Variants in DACH2 observed in about 807,000 individuals in gnomAD.
The protein encoded by DACH2 is dachshund family transcription factor 2.
DACH2 carries 17 observed loss-of-function variants against 35.8 expected under a neutral mutation model. That is an observed-to-expected ratio of 0.48 (90% CI 0.33 to 0.71). The LOEUF is 0.71. Ranked by LOEUF, DACH2 falls within the 30% of genes least tolerant of loss-of-function variation. The pLI is 0.02. For missense variants in DACH2, 469 were observed against 472.7 expected (o/e 0.99, Z 0.07); for synonymous variants, 195 against 177.3 (o/e 1.10, Z -0.79).
chrX:86,435,696 A>G (rs1033408126), intron 2 of DACH2, among the ~76,000 whole-genome samples: 1 of 111,882 alleles, frequency 8.9e-6, no homozygotes, highest in African/African-American at 3.2e-5. Flanking sequence ...AAAGCCTACC[A>G]TCTTGTAGCA....
intron 1 of DACH2, among the ~76,000 whole-genome samples, chrX:86,184,601 C>G (rs755390472): frequency 8.9e-6 from 1 of 111,808 alleles, no homozygotes; most frequent in Non-Finnish European, 1.9e-5. Context: ...GTCATTTGTA[C>G]ATGGTGATAG....
chrX:86,631,792 T>A (rs2040203752), intron 3 of DACH2, among the ~76,000 whole-genome samples: 1 of 111,352 alleles, frequency 9.0e-6, no homozygotes, highest in Non-Finnish European at 1.9e-5. Flanking sequence ...TTACCAAACT[T>A]TTTTGGTTCT....
At chrX:86,184,212 A>ATT (rs34655546) in intron 1 of DACH2, 2,540 of 159,671 alleles carry the variant, frequency 0.016, 29 homozygotes, top group Middle Eastern at 0.019. Flanking sequence ...TAGTCTTCTG[A>ATT]TTTTTTTTTT....
intron 2 of DACH2, among the ~76,000 whole-genome samples, chrX:86,468,401 T>A (rs2037708329): frequency 9.0e-6 from 1 of 111,257 alleles, no homozygotes; most frequent in Admixed American, 9.6e-5. Flanking sequence ...ATTTTACTCA[T>A]CTTATTTATT....
intron 3 of DACH2, among the ~76,000 whole-genome samples, chrX:86,520,227 A>G (rs763392490): frequency 2.6e-4 from 29 of 111,584 alleles, no homozygotes; most frequent in Non-Finnish European, 7.6e-5. Flanking sequence ...AATCATTTTC[A>G]TCGTCTTCAC....
chrX:86,736,351 G>C (rs183281546), intron 6 of DACH2, among the ~76,000 whole-genome samples: 25 of 111,189 alleles, frequency 2.2e-4, no homozygotes, highest in African/African-American at 7.5e-4. Context: ...AAATGTTACT[G>C]TCACTCTTAA....
intron 2 of DACH2, among the ~76,000 whole-genome samples, chrX:86,482,624 A>C (rs1208712108): frequency 9.3e-6 from 1 of 108,018 alleles, no homozygotes; most frequent in African/African-American, 3.4e-5. Flanking sequence ...TGATTTCCAC[A>C]ATGGTTGAAC....
intron 1 of DACH2, among the ~76,000 whole-genome samples, chrX:86,303,359 C>T (rs1032186337): frequency 9.1e-6 from 1 of 110,033 alleles, no homozygotes; most frequent in African/African-American, 3.3e-5. Flanking sequence ...GACCACAGAG[C>T]TTTCCGTTTC....
intron 3 of DACH2, among the ~76,000 whole-genome samples, chrX:86,593,339 C>A (rs1185754606): frequency 9.1e-6 from 1 of 109,386 alleles, no homozygotes; most frequent in Non-Finnish European, 1.9e-5. Flanking sequence ...GTTAATCCAA[C>A]CTTGCACACT....
At chrX:86,799,167 G>A (rs768059040) in intron 7 of DACH2, 95 of 285,528 alleles carry the variant, frequency 3.3e-4, no homozygotes, top group Admixed American at 5.6e-4. Context: ...CTTGGTTCTC[G>A]CACTGATCCA....
intron 3 of DACH2, among the ~76,000 whole-genome samples, chrX:86,529,533 C>T (rs2038682620): frequency 9.4e-6 from 1 of 106,816 alleles, no homozygotes; most frequent in Non-Finnish European, 1.9e-5. Flanking sequence ...AGTGCAGTGG[C>T]ACAATCTTGG....
chrX:86,391,870 T>A (rs1486427201), intron 2 of DACH2, among the ~76,000 whole-genome samples: 1 of 111,610 alleles, frequency 9.0e-6, no homozygotes, highest in Non-Finnish European at 1.9e-5. Context: ...AAATAAGTTG[T>A]TTAATTCTGA....
At chrX:86,719,015 A>G (rs68129488) in intron 6 of DACH2, among the ~76,000 whole-genome samples, 31,047 of 110,971 alleles carry the variant, frequency 0.28, 3,280 homozygotes, top group East Asian at 0.48. Flanking sequence ...TTCTGTGAAA[A>G]ATGAATTTTT....
intron 1 of DACH2, among the ~76,000 whole-genome samples, chrX:86,236,559 T>C (rs901457172): frequency 8.9e-6 from 1 of 112,440 alleles, no homozygotes; most frequent in Non-Finnish European, 1.9e-5. Flanking sequence ...ACCTAGGCTA[T>C]ATTTTACAGC....
At chrX:86,744,204 C>T (rs1449015531) in intron 7 of DACH2, among the ~76,000 whole-genome samples, 1 of 111,097 alleles carries the variant, frequency 9.0e-6, no homozygotes, top group Non-Finnish European at 1.9e-5. Flanking sequence ...TAGAATATTA[C>T]TTGTTTAACT....
chrX:86,370,549 C>T (rs1016208983), intron 1 of DACH2, among the ~76,000 whole-genome samples: 1 of 111,045 alleles, frequency 9.0e-6, no homozygotes, highest in African/African-American at 3.3e-5. Context: ...AACCCCTATG[C>T]AGATCAAAGC....
intron 3 of DACH2, among the ~76,000 whole-genome samples, chrX:86,549,613 C>T (rs757715656): frequency 9.2e-5 from 10 of 109,028 alleles, no homozygotes; most frequent in African/African-American, 3.0e-4. Context: ...TCTGAAAAAA[C>T]GATATTTTTC....
intron 1 of DACH2, among the ~76,000 whole-genome samples, chrX:86,333,316 G>A (rs2148051388): frequency 8.9e-6 from 1 of 111,869 alleles, no homozygotes; most frequent in East Asian, 2.8e-4. Context: ...TGAGCCTATT[G>A]TTTAATTTCA....
At chrX:86,574,029 G>C (rs927183056) in intron 3 of DACH2, among the ~76,000 whole-genome samples, 1 of 111,855 alleles carries the variant, frequency 8.9e-6, no homozygotes, top group African/African-American at 3.2e-5. Flanking sequence ...CTTATGTGCT[G>C]AATATATCTA....
Sources: gnomAD v4.1 joint callset for allele counts (sites outside exome capture counted in the v4.1 genomes callset) on GRCh38, gnomAD v4.1.1 for gene constraint, MANE v1.5 for transcripts, NCBI Gene and HGNC (gene_info 2026-07-23, HGNC 2026-07-21) for gene names.